The following TSHZ3 variants were observed in gnomAD, a reference collection of about 807,000 sequenced individuals.
TSHZ3 encodes teashirt zinc finger homeobox 3, also known as teashirt homolog 3.
TSHZ3 carries 10 observed loss-of-function variants against 64.5 expected under a neutral mutation model. The ratio of observed to expected loss-of-function variants is 0.16; its 90% confidence interval spans 0.10 to 0.26. The LOEUF is 0.26. TSHZ3 is among the 10% of genes least tolerant of loss of function. The pLI is 1.00. For synonymous variants in TSHZ3, 608 were observed against 593.1 expected, an observed-to-expected ratio of 1.03 and a Z score of -0.36; for missense variants, 1,242 against 1,421.7, an observed-to-expected ratio of 0.87 and a Z score of 2.03.
chr19:31,326,597 TC>T (rs1916936528), intron 1 of TSHZ3, among the ~76,000 whole-genome samples: 2 of 152,238 alleles, frequency 1.3e-5, no homozygotes, highest in East Asian at 3.9e-4. Flanking sequence ...TGACCTCCCC[TC>T]ATCTATCGCT....
intron 1 of TSHZ3, among the ~76,000 whole-genome samples, chr19:31,346,843 G>GTT (rs550322247): frequency 6.9e-6 from 1 of 145,688 alleles, no homozygotes. Context: ...TAAATGTGGA[G>GTT]TTTTTTTTTT....
At chr19:31,203,780 CTCTTCCCTTTCT>C (rs1383572400) in intron 5 of TSHZ3, among the ~76,000 whole-genome samples, 2 of 151,456 alleles carry the variant, frequency 1.3e-5, no homozygotes, top group African/African-American at 4.9e-5. Context: ...CTTTCCTTTT[CTCTTCCCTTTCT>C]TCTTCCCTCT....
chr19:31,269,112 A>G (rs992631210), intron 1 of TSHZ3, among the ~76,000 whole-genome samples: 1 of 152,108 alleles, frequency 6.6e-6, no homozygotes, highest in African/African-American at 2.4e-5. Context: ...CTGTCATAGC[A>G]GCCCTTCAAA....
At chr19:31,252,562 C>G (rs77413683) in intron 1 of TSHZ3, among the ~76,000 whole-genome samples, 2,594 of 152,280 alleles carry the variant, frequency 0.017, 74 homozygotes, top group African/African-American at 0.058. Context: ...GTTCTCATGA[C>G]AGTGAGTTCT....
At chr19:31,257,739 C>T (rs1217514367) in intron 1 of TSHZ3, among the ~76,000 whole-genome samples, 1 of 152,208 alleles carries the variant, frequency 6.6e-6, no homozygotes, top group Non-Finnish European at 1.5e-5. Flanking sequence ...CTGGGCCTGA[C>T]CTCCTGCCTG....
At chr19:31,320,296 A>T (rs1916729315) in intron 1 of TSHZ3, among the ~76,000 whole-genome samples, 1 of 152,180 alleles carries the variant, frequency 6.6e-6, no homozygotes, top group Non-Finnish European at 1.5e-5. Flanking sequence ...TGTGCTTTGT[A>T]GAAAAGACGG....
intron 1 of TSHZ3, among the ~76,000 whole-genome samples, chr19:31,287,020 G>A (rs1044641352): frequency 1.3e-5 from 2 of 152,144 alleles, no homozygotes; most frequent in East Asian, 1.9e-4. Context: ...GGGGCATAAC[G>A]GAATTCATTT....
chr19:31,304,554 A>C (rs1976808100), intron 1 of TSHZ3, among the ~76,000 whole-genome samples: 1 of 152,228 alleles, frequency 6.6e-6, no homozygotes, highest in African/African-American at 2.4e-5. Context: ...AAACCTGAAA[A>C]TGTATAATTA....
intron 1 of TSHZ3, among the ~76,000 whole-genome samples, chr19:31,250,059 A>T (rs940415534): frequency 6.6e-6 from 1 of 152,240 alleles, no homozygotes; most frequent in African/African-American, 2.4e-5. Context: ...CGCGCCAGGC[A>T]CACAGCACAT....
chr19:31,350,286 C>G (rs1255204951), upstream of TSHZ3, among the ~76,000 whole-genome samples: 5 of 151,328 alleles, frequency 3.3e-5, no homozygotes, highest in African/African-American at 4.8e-5. Flanking sequence ...CAGGACCCGC[C>G]GTAGCCACTT....
chr19:31,179,756 T>TGGTGATGGTGGG (rs758150078), intron 5 of TSHZ3, among the ~76,000 whole-genome samples: 1 of 150,320 alleles, frequency 6.7e-6, no homozygotes, highest in Non-Finnish European at 1.5e-5. Flanking sequence ...GTGATGGTGG[T>TGGTGATGGTGGG]GGTGATGGTG....
At chr19:31,268,100 A>G (rs1477608028) in intron 1 of TSHZ3, among the ~76,000 whole-genome samples, 1 of 152,046 alleles carries the variant, frequency 6.6e-6, no homozygotes, top group East Asian at 1.9e-4. Context: ...TGATGGTTTT[A>G]TAAATGGGAG....
In TSHZ3 at chr19:31,196,327, C is replaced by A. The variant is rs192482280; in HGVS notation, n.809+8629G>T. Among the ~76,000 whole-genome samples the A allele has an allele frequency of 3.0e-4, 46 of 151,886 alleles. No homozygotes were observed. The East Asian group carries it at 8.7e-3, about 29-fold the overall frequency. On this transcript the variant is annotated intron_variant and non_coding_transcript_variant, in intron 5 of 6. Transcript: ENST00000651361. ...AAAAGAAAAAGAAATATAACTGATA[C>A]ACTAAGAAAAGAGGGAAAATGAACT...
intron 1 of TSHZ3, among the ~76,000 whole-genome samples, chr19:31,316,608 C>T (rs184863959): frequency 2.0e-5 from 3 of 152,136 alleles, no homozygotes; most frequent in African/African-American, 4.8e-5. Context: ...GCCGCTGTGT[C>T]GTGTACTAAA....
At chr19:31,350,738 G>C (rs1287785944), upstream of TSHZ3, among the ~76,000 whole-genome samples, 3 of 150,204 alleles carry the variant, frequency 2.0e-5, no homozygotes, top group Non-Finnish European at 4.5e-5. Flanking sequence ...GTGAGGGCGC[G>C]GGTGGGCCGG....
rs1376305545 is a variant in TSHZ3 at position 31,301,026 on chromosome 19, AT to A, written c.41-21275del. Among the ~76,000 whole-genome samples the A allele has an allele frequency of 3.9e-5, 6 of 152,246 alleles. No individual in the cohort carries two copies. In the East Asian group the frequency reaches 1.2e-3, roughly 29 times the overall value. ...CTGACAGCATATTTACATTAAACAC[AT>A]TTCAGGAGCAAAATCCTTAATGCTA... On this transcript the variant is annotated intron_variant, in intron 1 of 1. Coordinates refer to ENST00000240587, the MANE Select transcript of TSHZ3 (RefSeq NM_020856.4).
intron 5 of TSHZ3, among the ~76,000 whole-genome samples, chr19:31,180,449 CA>C (rs1169374333): frequency 6.6e-6 from 1 of 152,134 alleles, no homozygotes; most frequent in Non-Finnish European, 1.5e-5. Flanking sequence ...GAAAGACATC[CA>C]AGCTTTTCAA....
intron 1 of TSHZ3, among the ~76,000 whole-genome samples, chr19:31,282,309 T>G (rs1976376358): frequency 6.6e-6 from 1 of 152,022 alleles, no homozygotes; most frequent in Non-Finnish European, 1.5e-5. Flanking sequence ...CAGTCTGCAA[T>G]ACAAACCCCA....
intron 5 of TSHZ3, among the ~76,000 whole-genome samples, chr19:31,157,926 G>A (rs887260284): frequency 6.6e-6 from 1 of 152,190 alleles, no homozygotes; most frequent in African/African-American, 2.4e-5. Flanking sequence ...TCCCAGCCCT[G>A]CCTCACCCTG....
Sources: allele counts gnomAD v4.1 joint callset (sites outside exome capture counted in the v4.1 genomes callset), GRCh38; gene constraint gnomAD v4.1.1; transcripts MANE v1.5; gene names NCBI Gene and HGNC (gene_info 2026-07-23, HGNC 2026-07-21).